The following PLAG1 variants were observed in gnomAD, a reference collection of about 807,000 sequenced individuals.
PLAG1 encodes the protein zinc finger protein PLAG1.
PLAG1 carries 7 observed loss-of-function variants against 35.5 expected under a neutral mutation model. That is an observed-to-expected ratio of 0.20 (90% confidence interval 0.11 to 0.37). PLAG1 has a LOEUF of 0.37. PLAG1 is among the 10% of genes least tolerant of loss of function. The pLI, the probability that PLAG1 is intolerant of heterozygous loss-of-function variation, is 1.00. For missense variants in PLAG1, 454 were observed against 602.8 expected, an observed-to-expected ratio of 0.75 and a Z score of 2.58; for synonymous variants, 229 against 225.4, an observed-to-expected ratio of 1.02 and a Z score of -0.14.
chr8:56,164,810 T>C lies in PLAG1; in HGVS notation c.*1433A>G, dbSNP rs1431019679. ...TATATTCTCAATTGTTATTTTCATG[T>C]TAACCAAGATAGGTTTGTTTTACTT... On this transcript the variant is annotated 3_prime_UTR_variant, in exon 5 of 5. Transcript: ENST00000316981. The C allele has an allele frequency of 4.7e-6, 1 of 211,212 alleles. No individual in the cohort carries two copies. Among genetic ancestry groups the C allele is most frequent in the African/African-American group, 2.3e-5 (1 of 44,118 alleles). The allele number at this position is 211,212 out of a possible 1,614,324, so 13.1% of individuals were successfully genotyped here.
chr8:56,163,680 T>TAC lies in PLAG1; in HGVS notation c.*2561_*2562dup, dbSNP rs968652365. ...AAGTATGTGTGTGTGTGTGTATATATACACACACACACACACACATACACA... is the reference window on the plus strand; with the variant it reads ...AAGTATGTGTGTGTGTGTGTATATATACACACACACACACACACACATACACA... On this transcript the variant is annotated 3_prime_UTR_variant, in exon 5 of 5. Coordinates refer to ENST00000316981, the MANE Select transcript of PLAG1 (RefSeq NM_002655.3). 430 of 182,312 alleles carry TAC rather than the reference T, an allele frequency of 2.4e-3. 2 individuals are homozygous for TAC. The highest frequency in any genetic ancestry group is 0.01 in the Middle Eastern group (5 of 488). 11.3% of individuals were successfully genotyped at this position (182,312 alleles called of 1,614,324 possible). A position where few individuals can be genotyped will look rare whatever the true frequency, so the allele number is the denominator to read the frequency against.
intron 2 of PLAG1, among the ~76,000 whole-genome samples, chr8:56,176,099 G>A (rs1471042010): frequency 1.3e-5 from 2 of 149,208 alleles, no homozygotes; most frequent in Non-Finnish European, 3.0e-5. Context: ...AGGCTGGATG[G>A]AGTACAGTGG....
chr8:56,201,911 C>T (rs547150400), intron 1 of PLAG1, among the ~76,000 whole-genome samples: 26 of 150,912 alleles, frequency 1.7e-4, no homozygotes, highest in African/African-American at 6.1e-4. Context: ...TTCAACCAAT[C>T]AAGTTGAGTT....
At chr8:56,210,956 T>C (rs1812886511) in intron 1 of PLAG1, among the ~76,000 whole-genome samples, 165 bp downstream of exon 1, 1 of 152,034 alleles carries the variant, frequency 6.6e-6, no homozygotes, top group Non-Finnish European at 1.5e-5. Flanking sequence ...TATTATTATT[T>C]TTCTCTCTGG....
At chr8:56,182,021 C>A (rs1432479921) in intron 1 of PLAG1, among the ~76,000 whole-genome samples, 1 of 152,192 alleles carries the variant, frequency 6.6e-6, no homozygotes, top group Non-Finnish European at 1.5e-5. Flanking sequence ...TCTAAGATGA[C>A]CTTCTGGCTA....
intron 2 of PLAG1, among the ~76,000 whole-genome samples, chr8:56,173,632 G>A (rs1024295630): frequency 1.3e-5 from 2 of 150,972 alleles, no homozygotes; most frequent in Non-Finnish European, 3.0e-5. Flanking sequence ...TGCTTTTCAA[G>A]TGACGAAAAT....
At chr8:56,203,826 A>C (rs1162500123) in intron 1 of PLAG1, among the ~76,000 whole-genome samples, 1 of 152,064 alleles carries the variant, frequency 6.6e-6, no homozygotes, top group Admixed American at 6.5e-5. Flanking sequence ...TTAGAAGAGA[A>C]AAATCTAGAT....
At chr8:56,181,870 A>G (rs989668085) in intron 1 of PLAG1, among the ~76,000 whole-genome samples, 3 of 152,246 alleles carry the variant, frequency 2.0e-5, no homozygotes, top group African/African-American at 7.2e-5. Context: ...GAAAAGGAAA[A>G]GAGTACTATG....
intron 1 of PLAG1, among the ~76,000 whole-genome samples, chr8:56,201,661 A>C (rs545664335): frequency 6.6e-6 from 1 of 152,198 alleles, no homozygotes; most frequent in African/African-American, 2.4e-5. Flanking sequence ...AGGTCTGTCC[A>C]TTCTAAAGAT....
At chr8:56,206,400 C>A (rs1334334185) in intron 1 of PLAG1, among the ~76,000 whole-genome samples, 1 of 151,894 alleles carries the variant, frequency 6.6e-6, no homozygotes, top group East Asian at 1.9e-4. Context: ...TTTAATTTCT[C>A]AAATTTTACA....
In PLAG1 at chr8:56,162,102, T is replaced by C. The variant is rs888515513; in HGVS notation, c.*4141A>G. 3 of 227,176 alleles carry C rather than the reference T, an allele frequency of 1.3e-5. No individual in the cohort carries two copies. Among genetic ancestry groups the C allele is most frequent in the Non-Finnish European group, 2.6e-5 (3 of 114,164 alleles). The allele number at this position is 227,176 out of a possible 1,614,324, so 14.1% of individuals were successfully genotyped here. On this transcript the variant is annotated 3_prime_UTR_variant, in exon 5 of 5. Coordinates refer to ENST00000316981, the MANE Select transcript of PLAG1 (RefSeq NM_002655.3). ...TTTTAGCACAAAACTGCACAACTTA[T>C]GTAGATCTATGTGATCACAACAGAC...
chr8:56,183,554 T>A (rs1307668188), intron 1 of PLAG1, among the ~76,000 whole-genome samples: 1 of 152,200 alleles, frequency 6.6e-6, no homozygotes, highest in Non-Finnish European at 1.5e-5. Flanking sequence ...AAGTATGCAC[T>A]TAAAACTAGC....
chr8:56,204,030 G>A (rs1402539423), intron 1 of PLAG1, among the ~76,000 whole-genome samples: 2 of 151,852 alleles, frequency 1.3e-5, no homozygotes, highest in Non-Finnish European at 1.5e-5. Flanking sequence ...AGGTTATAAG[G>A]TCATAACAAT....
intron 2 of PLAG1, among the ~76,000 whole-genome samples, chr8:56,171,954 C>T (rs919799769): frequency 1.3e-5 from 2 of 152,064 alleles, no homozygotes; most frequent in East Asian, 1.9e-4. Flanking sequence ...AATTCTTGAT[C>T]GTACAAGTAA....
At chr8:56,208,711 T>G (rs551877576) in intron 1 of PLAG1, among the ~76,000 whole-genome samples, 1 of 152,310 alleles carries the variant, frequency 6.6e-6, no homozygotes, top group African/African-American at 2.4e-5. Context: ...CTACTGAAGA[T>G]TAACCTTAAT....
chr8:56,210,804 AAAC>A (rs1812873999), intron 1 of PLAG1, among the ~76,000 whole-genome samples: 4 of 149,828 alleles, frequency 2.7e-5, no homozygotes, highest in Admixed American at 2.7e-4. Context: ...AAAACTTTTC[AAAC>A]TTTCCAGACC....
At chr8:56,198,770 T>C (rs924624297) in intron 1 of PLAG1, among the ~76,000 whole-genome samples, 1 of 152,168 alleles carries the variant, frequency 6.6e-6, no homozygotes, top group Non-Finnish European at 1.5e-5. Context: ...CCCTCTTCCC[T>C]GGCCCCCAGG....
intron 3 of PLAG1, among the ~76,000 whole-genome samples, chr8:56,170,887 G>A (rs1330305673): frequency 6.6e-6 from 1 of 152,142 alleles, no homozygotes; most frequent in African/African-American, 2.4e-5. Context: ...TCTAAGACCA[G>A]CTGAAATTTT....
chr8:56,168,662 C>T (rs1308145827), intron 3 of PLAG1, among the ~76,000 whole-genome samples: 1 of 152,150 alleles, frequency 6.6e-6, no homozygotes. Context: ...ATTTCAGGAA[C>T]TCTCATGAAG....
Sources: allele counts gnomAD v4.1 joint callset (sites outside exome capture counted in the v4.1 genomes callset), GRCh38; gene constraint gnomAD v4.1.1; transcripts MANE v1.5; gene names NCBI Gene and HGNC (gene_info 2026-07-23, HGNC 2026-07-21).